Variants in CDNF observed in about 807,000 individuals in gnomAD.
The protein encoded by CDNF is cerebral dopamine neurotrophic factor, also known as ARMET-like protein 1.
In CDNF, 9 loss-of-function variants were observed where a neutral mutation model predicts 14.8. The observed-to-expected ratio is 0.61, with a 90% confidence interval of 0.37 to 1.06. The LOEUF is 1.06. Ranked by LOEUF, CDNF falls within the 50% of genes least tolerant of loss-of-function variation. The pLI is 0.01. For missense variants in CDNF, 228 were observed against 228.4 expected (o/e 1.00, Z 0.01); for synonymous variants, 86 against 87.2 (o/e 0.99, Z 0.07).
intron 1 of CDNF, among the ~76,000 whole-genome samples, chr10:14,830,147 T>C (rs1833833106): frequency 6.6e-6 from 1 of 152,198 alleles, no homozygotes; most frequent in South Asian, 2.1e-4. Context: ...TTAAACTAAA[T>C]ATATAGCTTG....
chr10:14,825,617 A>G lies in CDNF; in HGVS notation c.247T>C (p.Tyr83His), dbSNP rs543001334. Residue 83 changes from tyrosine to histidine, a missense_variant, in exon 3 of 4, where the codon TAT becomes CAT. Coordinates refer to ENST00000465530, the MANE Select transcript of CDNF (RefSeq NM_001029954.3). ...DTKGKENRLC[Y>H]YLGATKDAAT... Reference sequence around the variant, plus strand: ...GCGTCTTTTGTGGCTCCTAGATAATAGCACTGAAGGAAAATGAAGAGAATT... The same window carrying G: ...GCGTCTTTTGTGGCTCCTAGATAATGGCACTGAAGGAAAATGAAGAGAATT... 6.2e-7 allele frequency: 1 copy of G among 1,613,836 alleles called. No homozygotes were observed. The highest frequency in any genetic ancestry group is 1.1e-5 in the South Asian group (1 of 91,062).
At chr10:14,826,059 A>G (rs554380396) in intron 2 of CDNF, among the ~76,000 whole-genome samples, 8 of 135,094 alleles carry the variant, frequency 5.9e-5, no homozygotes, top group South Asian at 2.6e-4. Context: ...GAAGAAGAAG[A>G]AGAAGAAGAA....
intron 2 of CDNF, among the ~76,000 whole-genome samples, chr10:14,826,397 AAGCAGC>A (rs1204172867): frequency 1.3e-4 from 19 of 151,500 alleles, no homozygotes; most frequent in African/African-American, 4.1e-4. Flanking sequence ...GAAGCAGAAG[AAGCAGC>A]AGCAGCAGCA....
chr10:14,827,990 A>G (rs541806162), intron 2 of CDNF, among the ~76,000 whole-genome samples, 155 bp downstream of exon 2: 2 of 152,334 alleles, frequency 1.3e-5, no homozygotes, highest in South Asian at 4.1e-4. Context: ...GCAGAACTAC[A>G]TGTCACTGGA....
At chr10:14,830,220 T>G (rs186592681) in intron 1 of CDNF, among the ~76,000 whole-genome samples, 16 of 152,328 alleles carry the variant, frequency 1.1e-4, no homozygotes, top group Non-Finnish European at 1.5e-4. Context: ...TTTGTTGTTA[T>G]CATTTCTCAG....
chr10:14,835,439 A>G (rs1833878521), intron 1 of CDNF, among the ~76,000 whole-genome samples: 1 of 152,210 alleles, frequency 6.6e-6, no homozygotes, highest in Non-Finnish European at 1.5e-5. Flanking sequence ...TGAAAGGGAA[A>G]GATGTCAATG....
At chr10:14,825,198 C>T (rs969885194) in intron 3 of CDNF, among the ~76,000 whole-genome samples, 3 of 152,068 alleles carry the variant, frequency 2.0e-5, no homozygotes, top group Non-Finnish European at 4.4e-5. Context: ...CCTTGCGATC[C>T]GCCCGTCTCG....
chr10:14,822,820 G>A (rs1833748263), intron 3 of CDNF, among the ~76,000 whole-genome samples: 1 of 152,142 alleles, frequency 6.6e-6, no homozygotes, highest in East Asian at 1.9e-4. Context: ...TAATTTAAAA[G>A]CTGGATGTTA....
intron 1 of CDNF, among the ~76,000 whole-genome samples, chr10:14,837,436 T>C (rs768559641): frequency 6.6e-6 from 1 of 152,234 alleles, no homozygotes; most frequent in Non-Finnish European, 1.5e-5. Flanking sequence ...ATGTTTTGTT[T>C]TCCTTTGGGG....
chr10:14,826,762 A>G (rs1833800131), intron 2 of CDNF, among the ~76,000 whole-genome samples: 1 of 152,238 alleles, frequency 6.6e-6, no homozygotes, highest in Non-Finnish European at 1.5e-5. Context: ...AAGTACTATT[A>G]GTATCTGTAT....
rs1554763936 is a variant in CDNF, at chr10:14,825,510, C to A, written c.354G>T (p.Lys118Asn). Reference protein sequence around the residue: ...PAMKICEKLKKLDSQICELKY... With the variant: ...PAMKICEKLKNLDSQICELKY... The stretch of plus-strand genomic sequence containing the variant: ...TCAGCTCACAGATCTGGCTATCCAA[C>A]TTCTTCAGCTTCTCACAAATCTTCA... The change falls in exon 3 of 4, where the codon AAG becomes AAT. Residue 118 changes from lysine (K) to asparagine (N), a missense_variant. Transcript: ENST00000465530. The A allele has an allele frequency of 2.5e-6, 4 of 1,614,138 alleles. No homozygotes were observed. In the South Asian group the frequency reaches 3.3e-5, roughly 13 times the overall value.
At chr10:14,825,219 G>T (rs1833769509) in intron 3 of CDNF, among the ~76,000 whole-genome samples, 1 of 152,166 alleles carries the variant, frequency 6.6e-6, no homozygotes, top group Admixed American at 6.6e-5. Flanking sequence ...GCCTCCCAAA[G>T]TGCTGGGATG....
At chr10:14,821,416 G>A (rs984700232) in intron 3 of CDNF, among the ~76,000 whole-genome samples, 4 of 152,180 alleles carry the variant, frequency 2.6e-5, no homozygotes, top group African/African-American at 4.8e-5. Context: ...GAGCCACCGC[G>A]CCTGGCCAAT....
rs750397139 is a variant in CDNF at position 14,820,002 on chromosome 10, G to C, written c.542C>G (p.Thr181Arg). 1 of 1,613,892 alleles carries C rather than the reference G, an allele frequency of 6.2e-7. No homozygotes were observed. Among genetic ancestry groups the C allele is most frequent in the Non-Finnish European group, 8.5e-7 (1 of 1,179,986 alleles). Reference sequence around the variant, plus strand: ...AGATCAGAGCTCTGTTTTGGGGTGTGTCGCTGCATACTTGGGGGCCAGCTC... The same window carrying C: ...AGATCAGAGCTCTGTTTTGGGGTGTCTCGCTGCATACTTGGGGGCCAGCTC... ...IQELAPKYAATHPKTEL is the reference protein window; with the variant it reads ...IQELAPKYAARHPKTEL The change falls in exon 4 of 4, where the codon ACA (threonine) becomes AGA (arginine). Residue 181 changes from threonine (T) to arginine (R), a missense_variant. Transcript: ENST00000465530.
chr10:14,836,974 C>T (rs1362794719), intron 1 of CDNF, among the ~76,000 whole-genome samples: 1 of 152,094 alleles, frequency 6.6e-6, no homozygotes, highest in Non-Finnish European at 1.5e-5. Flanking sequence ...CAAACAAAAA[C>T]ACAACTTTAG....
rs918588113 is a variant in CDNF at position 14,838,009 on chromosome 10, C to T, written c.-63G>A. 8.0e-6 allele frequency: 10 copies of T among 1,255,562 alleles called. No individual in the cohort carries two copies. The African/African-American group carries it at 1.2e-4, about 15-fold the overall frequency. The allele number at this position is 1,255,562 out of a possible 1,614,324, so 77.8% of individuals were successfully genotyped here. ...CCCACCGCCCACCAAGCTGCCAAAG[C>T]GAGCTGAGCAGAATTCGAGGTTGGA... On this transcript the variant is annotated 5_prime_UTR_variant, in exon 1 of 4. Transcript: ENST00000465530.
chr10:14,829,390 C>A (rs1259292649), intron 1 of CDNF, among the ~76,000 whole-genome samples: 1 of 152,182 alleles, frequency 6.6e-6, no homozygotes, highest in Non-Finnish European at 1.5e-5. Flanking sequence ...GCGAGAGGAT[C>A]TCTTGAGGCC....
In CDNF at chr10:14,828,184, G is replaced by A; in HGVS notation, c.204C>T (p.Ile68=). The change falls in exon 2 of 4, where the codon ATC becomes ATT. Residue 68 remains isoleucine (I), a synonymous_variant. Coordinates refer to ENST00000465530, the MANE Select transcript of CDNF (RefSeq NM_001029954.3). ...TTCCTTTGGTGTCCAAGCAAAAACT[G>A]ATCAATTCTTTCTCTATAGTGTCCA... The part of the protein sequence containing the change: ...FSLDTIEKEL[I]SFCLDTKGKE... 6.2e-7 allele frequency: 1 copy of A among 1,613,776 alleles called. No individual in the cohort carries two copies. The highest frequency in any genetic ancestry group is 8.5e-7 in the Non-Finnish European group (1 of 1,179,746).
At chr10:14,824,350 C>A (rs142605147) in intron 3 of CDNF, among the ~76,000 whole-genome samples, 2,198 of 152,224 alleles carry the variant, frequency 0.014, 62 homozygotes, top group African/African-American at 0.049. Context: ...TTACGCCTGT[C>A]ATCCTAGCAC....
Sources: allele counts gnomAD v4.1 joint callset (sites outside exome capture counted in the v4.1 genomes callset), GRCh38; gene constraint gnomAD v4.1.1; transcripts MANE v1.5; gene names NCBI Gene and HGNC (gene_info 2026-07-23, HGNC 2026-07-21).